The following NHSL2 variants were observed in gnomAD, a reference collection of about 807,000 sequenced individuals.
NHSL2 encodes the protein NHS-like protein 2.
A neutral mutation model predicts 53.4 loss-of-function variants in NHSL2; 27 were observed. The observed-to-expected ratio is 0.51, with a 90% CI of 0.37 to 0.70. The LOEUF (loss-of-function observed/expected upper bound fraction) is 0.70, where lower values mean the gene tolerates loss of function less well. Among genes scored for constraint, NHSL2 ranks in the 30% least tolerant of loss-of-function variants. NHSL2 has a pLI of 0.00. For missense variants in NHSL2, 892 were observed against 980.1 expected (o/e 0.91, Z 1.20); for synonymous variants, 408 against 404.1 (o/e 1.01, Z -0.12).
At chrX:72,123,392 T>C (rs1435778231) in intron 1 of NHSL2, among the ~76,000 whole-genome samples, 1 of 111,542 alleles carries the variant, frequency 9.0e-6, no homozygotes, top group African/African-American at 3.3e-5. Context: ...AGGGGTTTTG[T>C]AGAGGAGCAG....
chrX:71,929,880 G>A (rs1022924564), intron 1 of NHSL2, among the ~76,000 whole-genome samples: 2 of 110,246 alleles, frequency 1.8e-5, no homozygotes, highest in African/African-American at 3.3e-5. Context: ...TCAGCCTCCC[G>A]AGTAGCTAGG....
chrX:71,931,818 G>A (rs1185840446), intron 1 of NHSL2, among the ~76,000 whole-genome samples: 1 of 112,768 alleles, frequency 8.9e-6, no homozygotes, highest in East Asian at 2.8e-4. Flanking sequence ...AAATTGGGAC[G>A]TGTTAGTCCT....
chrX:71,917,379 C>G (rs962220962), intron 1 of NHSL2, among the ~76,000 whole-genome samples: 8 of 108,575 alleles, frequency 7.4e-5, no homozygotes, highest in African/African-American at 2.7e-4. Context: ...TAGTCTTTAT[C>G]TGTTTTCACT....
At position 72,138,574 on chromosome X, in the gene NHSL2, G is replaced by T; in HGVS notation, c.1026G>T (p.Ser342=). The change falls in exon 6 of 8, where the codon TCG becomes TCT. Residue 342 remains serine (S), a synonymous_variant. Coordinates refer to ENST00000633930, the MANE Select transcript of NHSL2 (RefSeq NM_001013627.3). ...GQDARFPSLT[S]PVLRTPSSEP... ...ATGCTCGGTTCCCAAGTCTCACCTC[G>T]CCAGTACTGAGAACTCCTTCCAGTG... 8.6e-7 allele frequency: 1 copy of T among 1,167,431 alleles called. No individual in the cohort carries two copies. The highest frequency in any genetic ancestry group is 1.1e-6 in the Non-Finnish European group (1 of 872,722).
intron 1 of NHSL2, among the ~76,000 whole-genome samples, chrX:71,923,078 G>A (rs974840798): frequency 2.6e-4 from 29 of 111,852 alleles, no homozygotes; most frequent in African/African-American, 9.4e-4. Flanking sequence ...ATGAGGGAAG[G>A]GGAAGAGCTA....
chrX:71,958,196 A>C (rs2041851870), intron 1 of NHSL2, among the ~76,000 whole-genome samples: 1 of 110,928 alleles, frequency 9.0e-6, no homozygotes, highest in Admixed American at 9.5e-5. Flanking sequence ...ACTGCAAATC[A>C]GTGATAGTCC....
chrX:72,112,654 A>C (rs1199473884), intron 1 of NHSL2, among the ~76,000 whole-genome samples: 1 of 111,873 alleles, frequency 8.9e-6, no homozygotes. Flanking sequence ...TAATGTTTAC[A>C]AGGTTCATCC....
intron 1 of NHSL2, among the ~76,000 whole-genome samples, chrX:71,993,352 G>A (rs1475981056): frequency 4.5e-5 from 5 of 112,148 alleles, no homozygotes; most frequent in African/African-American, 1.3e-4. Context: ...AAATGCAATC[G>A]CCTACTGAGA....
intron 1 of NHSL2, among the ~76,000 whole-genome samples, chrX:72,072,332 C>T (rs777246705): frequency 8.9e-6 from 1 of 111,971 alleles, no homozygotes; most frequent in Non-Finnish European, 1.9e-5. Flanking sequence ...GAATAGGAAG[C>T]ACATGGAAAT....
At chrX:71,926,635 T>C (rs1485060367) in intron 1 of NHSL2, among the ~76,000 whole-genome samples, 1 of 110,550 alleles carries the variant, frequency 9.0e-6, no homozygotes, top group African/African-American at 3.3e-5. Context: ...AATATACATA[T>C]ATATACATAC....
At chrX:72,000,100 A>T (rs1190484163) in intron 1 of NHSL2, among the ~76,000 whole-genome samples, 3 of 112,205 alleles carry the variant, frequency 2.7e-5, no homozygotes, top group Non-Finnish European at 5.6e-5. Context: ...ATATTTATAT[A>T]TACGTTTGTG....
intron 1 of NHSL2, among the ~76,000 whole-genome samples, chrX:71,981,650 T>C (rs1425429615): frequency 9.0e-6 from 1 of 111,253 alleles, no homozygotes; most frequent in Non-Finnish European, 1.9e-5. Flanking sequence ...CAACTCAATT[T>C]AAAAATGAAC....
chrX:72,142,322 T>G lies in NHSL2; in HGVS notation c.3314T>G (p.Val1105Gly). The G allele has an allele frequency of 8.6e-7, 1 of 1,162,690 alleles. No individual in the cohort carries two copies. ...WIAEDDDDVF[V>G]ASRTTEDLFT... ...GCAGAGGATGATGATGACGTGTTTG[T>G]GGCTTCACGCACAACTGAAGATTTA... The change falls in exon 7 of 8, where the codon GTG (valine) becomes GGG (glycine). Residue 1105 changes from valine (V) to glycine (G), a missense_variant. Physicochemically the swap from Val to Gly is moderately radical, Grantham distance 109. Transcript: ENST00000633930.
chrX:72,029,214 A>C (rs770160204), intron 1 of NHSL2, among the ~76,000 whole-genome samples: 1 of 111,343 alleles, frequency 9.0e-6, no homozygotes, highest in South Asian at 3.8e-4. Context: ...ACAAGGACCT[A>C]ATGCATACAG....
chrX:71,985,203 A>G (rs1412552153), intron 1 of NHSL2, among the ~76,000 whole-genome samples: 1 of 111,492 alleles, frequency 9.0e-6, no homozygotes, highest in Non-Finnish European at 1.9e-5. Flanking sequence ...TCAAATACCC[A>G]TAAGTTGAGT....
At chrX:71,989,303 C>T (rs887369290) in intron 1 of NHSL2, among the ~76,000 whole-genome samples, 2 of 100,792 alleles carry the variant, frequency 2.0e-5, no homozygotes, top group African/African-American at 7.6e-5. Flanking sequence ...AAGTCGAGAT[C>T]GCTCCACTGC....
At chrX:72,039,096 C>A (rs2042258127) in intron 1 of NHSL2, among the ~76,000 whole-genome samples, 1 of 79,236 alleles carries the variant, frequency 1.3e-5, no homozygotes, top group African/African-American at 5.1e-5. Context: ...CCTTTCCTTT[C>A]CTTTCCTTTC....
intron 1 of NHSL2, among the ~76,000 whole-genome samples, chrX:71,930,519 A>G (rs751778530): frequency 5.2e-4 from 59 of 112,535 alleles, no homozygotes; most frequent in Middle Eastern, 9.2e-3. Flanking sequence ...CCTAAAAGGA[A>G]ATTCCATTCC....
chrX:72,105,679 C>A (rs2042032105), intron 1 of NHSL2, among the ~76,000 whole-genome samples: 1 of 111,565 alleles, frequency 9.0e-6, no homozygotes, highest in Admixed American at 9.5e-5. Flanking sequence ...GGGATGTCAC[C>A]ACAGTTGAGG....
Sources: allele counts gnomAD v4.1 joint callset (sites outside exome capture counted in the v4.1 genomes callset), GRCh38; gene constraint gnomAD v4.1.1; transcripts MANE v1.5; gene names NCBI Gene and HGNC (gene_info 2026-07-23, HGNC 2026-07-21).